CEACAM6: variants seen among roughly 807,000 people sequenced by gnomAD.
CEACAM6 encodes the protein CEA cell adhesion molecule 6, also known as cell adhesion molecule CEACAM6.
CEACAM6 carries 21 observed loss-of-function variants against 32.4 expected under a neutral mutation model. That is an observed-to-expected ratio of 0.65 (90% confidence interval 0.46 to 0.93). CEACAM6 has a LOEUF of 0.93. Among genes scored for constraint, CEACAM6 ranks in the 40% least tolerant of loss-of-function variants. The probability of loss-of-function intolerance (pLI) is 0.00; values close to 1 mark genes in which losing one functional copy is unlikely to be tolerated. For synonymous variants in CEACAM6, 184 were observed against 174.4 expected (o/e 1.06, Z -0.43); for missense variants, 406 against 432.2 (o/e 0.94, Z 0.54).
At chr19:41,769,739 G>T (rs202243762) in intron 5 of CEACAM6, among the ~76,000 whole-genome samples, 1 of 142,420 alleles carries the variant, frequency 7.0e-6, no homozygotes, top group African/African-American at 2.5e-5. Flanking sequence ...AATATTAATT[G>T]TTATAAAATA....
Position 41,755,738 on chromosome 19 carries a change from G to A in CEACAM6, c.64+36G>A, listed in dbSNP as rs782149591. The A allele has an allele frequency of 3.3e-5, 51 of 1,567,818 alleles. No individual in the cohort carries two copies. In the East Asian group the frequency reaches 1.2e-3, roughly 37 times the overall value. On this transcript the variant is annotated intron_variant, in intron 1 of 5. Coordinates refer to ENST00000199764, the MANE Select transcript of CEACAM6 (RefSeq NM_002483.7). ...GACTCCCTCGGAGTGGATGGGAGGA[G>A]GGAGCACAGAGACTGGCTAGGGTCT...
At chr19:41,770,155 T>C (rs2072984724) in intron 5 of CEACAM6, among the ~76,000 whole-genome samples, 1 of 148,428 alleles carries the variant, frequency 6.7e-6, no homozygotes, top group Non-Finnish European at 1.5e-5. Flanking sequence ...CTCACGTCGA[T>C]AATCCCAGCA....
At chr19:41,759,308 T>G (rs2122912189) in intron 2 of CEACAM6, among the ~76,000 whole-genome samples, 1 of 152,302 alleles carries the variant, frequency 6.6e-6, no homozygotes. Context: ...TCTGCCCAGT[T>G]TAGATGAACT....
chr19:41,760,875 T>C (rs1452119505), intron 2 of CEACAM6, among the ~76,000 whole-genome samples: 1 of 152,162 alleles, frequency 6.6e-6, no homozygotes, highest in East Asian at 1.9e-4. Context: ...AAAGTAGGAC[T>C]AAAGCTTGAA....
At chr19:41,762,417 TTTTTTGA>T (rs1269793517) in intron 4 of CEACAM6, among the ~76,000 whole-genome samples, 194 bp downstream of exon 4, 4 of 152,114 alleles carry the variant, frequency 2.6e-5, no homozygotes, top group African/African-American at 9.7e-5. Context: ...TTGTTTTTTG[TTTTTTGA>T]TTTCTCATGT....
chr19:41,764,825 G>T (rs1245142307), intron 4 of CEACAM6, among the ~76,000 whole-genome samples: 1 of 152,052 alleles, frequency 6.6e-6, no homozygotes, highest in Admixed American at 6.6e-5. Flanking sequence ...GTAAAGTTAG[G>T]TTGTTGATTT....
At chr19:41,761,589 C>G (rs2072924825) in intron 3 of CEACAM6, 62 bp downstream of exon 3, 1 of 1,595,550 alleles carries the variant, frequency 6.3e-7, no homozygotes, top group South Asian at 1.2e-5. Context: ...AGCCAGAGTC[C>G]AGGTCTCTCA....
Position 41,761,270 on chromosome 19 carries a change from T to C in CEACAM6, c.446T>C (p.Ile149Thr). 1.9e-6 allele frequency: 3 copies of C among 1,614,124 alleles called. No homozygotes were observed. Among genetic ancestry groups the C allele is most frequent in the South Asian group, 2.2e-5 (2 of 91,076 alleles). Residue 149 changes from isoleucine to threonine, a missense_variant, in exon 3 of 6, where the codon ATC becomes ACC. By Grantham distance (89) the Ile-to-Thr change is moderately conservative (BLOSUM62 -1). Transcript: ENST00000199764. ...ACAGCGGAGCTGCCCAAGCCCTCCA[T>C]CTCCAGCAACAACTCCAACCCCGTG... ...HVYPELPKPS[I>T]SSNNSNPVED...
chr19:41,756,453 GACACACACACACACACACACAC>G (rs4060857), intron 1 of CEACAM6, 125 bp from the exon 2 acceptor site: 16,136 of 920,638 alleles, frequency 0.018, 602 homozygotes, highest in African/African-American at 0.15. Flanking sequence ...GACTCAGTAG[GACACACACACACACACACACAC>G]ACACACACAC....
At chr19:41,755,839 A>G in intron 1 of CEACAM6, 137 bp downstream of exon 1, 2 of 598,474 alleles carry the variant, frequency 3.3e-6, no homozygotes, top group Non-Finnish European at 5.8e-6. Context: ...CCAGAGAGGG[A>G]CAGGGGTCAC....
Position 41,767,496 on chromosome 19 carries a change from G to A in CEACAM6, c.*40+1197G>A, listed in dbSNP as rs143629176. 2.7e-3 allele frequency among the ~76,000 whole-genome samples: 418 copies of A among 152,266 alleles called. 2 individuals are homozygous for A. The highest frequency in any genetic ancestry group is 4.1e-3 in the Non-Finnish European group (281 of 68,030). On this transcript the variant is annotated intron_variant, in intron 5 of 5. Transcript: ENST00000199764. ...TCATGATACCAAAGTAGAAAGGAGCGAATGCCACAAAAATTCAGATAAATC... is the reference window on the plus strand; with the variant it reads ...TCATGATACCAAAGTAGAAAGGAGCAAATGCCACAAAAATTCAGATAAATC...
At chr19:41,760,587 C>A (rs1285888719) in intron 2 of CEACAM6, among the ~76,000 whole-genome samples, 11 of 152,212 alleles carry the variant, frequency 7.2e-5, no homozygotes, top group Admixed American at 7.2e-4. Flanking sequence ...CTAGATCATT[C>A]TCTGAATTCT....
At chr19:41,761,109 T>C in intron 2 of CEACAM6, 140 bp from the exon 3 acceptor site, 1 of 1,493,288 alleles carries the variant, frequency 6.7e-7, no homozygotes, top group Non-Finnish European at 9.0e-7. Flanking sequence ...GTGCATCTGT[T>C]GTGTGACACA....
rs781901800 is a variant in CEACAM6, at chr19:41,766,214, C to T, written c.990C>T (p.Thr330=). Residue 330 remains threonine, a synonymous_variant, in exon 5 of 6, where the codon ACC becomes ACT. Coordinates refer to ENST00000199764, the MANE Select transcript of CEACAM6 (RefSeq NM_002483.7). ...GSAPVLSAVA[T]VGITIGVLAR... ...CTCCTGTCCTCTCAGCTGTGGCCACCGTCGGCATCACGATTGGAGTGCTGG... is the reference window on the plus strand; with the variant it reads ...CTCCTGTCCTCTCAGCTGTGGCCACTGTCGGCATCACGATTGGAGTGCTGG... The T allele has an allele frequency of 1.1e-5, 17 of 1,607,650 alleles. No individual in the cohort carries two copies. Among genetic ancestry groups the T allele is most frequent in the South Asian group, 2.2e-5 (2 of 89,728 alleles).
intron 2 of CEACAM6, among the ~76,000 whole-genome samples, chr19:41,758,508 C>G (rs1568724746): frequency 6.6e-6 from 1 of 152,136 alleles, no homozygotes; most frequent in Non-Finnish European, 1.5e-5. Flanking sequence ...TGTCCCTAAA[C>G]CTACCCCATC....
chr19:41,765,456 G>A (rs1316035608), intron 4 of CEACAM6, among the ~76,000 whole-genome samples: 4 of 152,184 alleles, frequency 2.6e-5, no homozygotes, highest in African/African-American at 9.7e-5. Flanking sequence ...TGGTATGTTA[G>A]CTTTCATCCA....
chr19:41,764,208 G>T (rs1600498930), intron 4 of CEACAM6, among the ~76,000 whole-genome samples: 1 of 152,164 alleles, frequency 6.6e-6, no homozygotes, highest in East Asian at 1.9e-4. Context: ...TTTCATCTAG[G>T]TTATCCAATT....
intron 1 of CEACAM6, 81 bp from the exon 2 acceptor site, chr19:41,756,519 C>A (rs1600494027): frequency 2.6e-6 from 4 of 1,541,196 alleles, no homozygotes; most frequent in Non-Finnish European, 3.5e-6. Flanking sequence ...GGTGAAGAGA[C>A]CTGCTCAGGA....
At chr19:41,761,824 CTT>C in intron 3 of CEACAM6, 143 bp from the exon 4 acceptor site, 1 of 1,104,018 alleles carries the variant, frequency 9.1e-7, no homozygotes, top group Non-Finnish European at 1.3e-6. Context: ...ATGTCTCAGA[CTT>C]TGGCTCAGGG....
Sources: gnomAD v4.1 joint callset for allele counts (sites outside exome capture counted in the v4.1 genomes callset) on GRCh38, gnomAD v4.1.1 for gene constraint, MANE v1.5 for transcripts, NCBI Gene and HGNC (gene_info 2026-07-23, HGNC 2026-07-21) for gene names.